FECH: variants seen among roughly 807,000 people sequenced by gnomAD.
FECH encodes ferrochelatase, mitochondrial.
In FECH, 40 loss-of-function variants were observed where a neutral mutation model predicts 56.9. The ratio of observed to expected loss-of-function variants is 0.70; its 90% CI spans 0.55 to 0.92. The LOEUF (loss-of-function observed/expected upper bound fraction) is 0.92, where lower values mean the gene tolerates loss of function less well. FECH is among the 40% of genes least tolerant of loss of function. The pLI is 0.00. For synonymous variants in FECH, 175 were observed against 198.6 expected (o/e 0.88, Z 1.00); for missense variants, 431 against 529.1 (o/e 0.81, Z 1.82).
intron 2 of FECH, among the ~76,000 whole-genome samples, chr18:57,576,297 G>T (rs1022355601): frequency 3.9e-5 from 6 of 152,206 alleles, no homozygotes; most frequent in African/African-American, 1.4e-4. Context: ...TGAAGATGTG[G>T]TTGTTATATA....
At chr18:57,567,808 G>C (rs2051037903) in intron 4 of FECH, 1 of 152,246 alleles carries the variant, frequency 6.6e-6, no homozygotes, top group Admixed American at 6.5e-5. Flanking sequence ...GAAGCAGAAT[G>C]CCATTAGGCG....
At chr18:57,584,082 A>G (rs535282024) in intron 1 of FECH, among the ~76,000 whole-genome samples, 6 of 151,782 alleles carry the variant, frequency 4.0e-5, no homozygotes, top group Non-Finnish European at 8.8e-5. Flanking sequence ...TGGGAGGCTG[A>G]GGCAGGATAA....
rs1345938368 is a variant in FECH at position 57,548,053 on chromosome 18, C to A, written c.*2659G>T. ...ATCCCTTGAGCCCAGGAGTTCAAGA[C>A]CAGCCTGGACAACATGGCAAAACCC... On this transcript the variant is annotated 3_prime_UTR_variant, in exon 11 of 11. Transcript: ENST00000262093. Among the ~76,000 whole-genome samples the A allele has an allele frequency of 6.6e-6, 1 of 151,778 alleles. No homozygotes were observed. The highest frequency in any genetic ancestry group is 1.5e-5 in the Non-Finnish European group (1 of 67,936).
chr18:57,578,673 C>T (rs530776652), intron 2 of FECH, among the ~76,000 whole-genome samples: 7 of 151,898 alleles, frequency 4.6e-5, no homozygotes, highest in Non-Finnish European at 1.0e-4. Context: ...GAGCTACACT[C>T]CTCAAAATAA....
chr18:57,573,303 T>G lies in FECH; in HGVS notation c.257A>C (p.His86Pro). 1 of 1,614,134 alleles carries G rather than the reference T, an allele frequency of 6.2e-7. No homozygotes were observed. Among genetic ancestry groups the G allele is most frequent in the Non-Finnish European group, 8.5e-7 (1 of 1,179,942 alleles). The change falls in exon 3 of 11, where the codon CAC becomes CCC. Residue 86 changes from histidine to proline, a missense_variant. His to Pro is a moderately conservative substitution (Grantham distance 77, BLOSUM62 -2). Coordinates refer to ENST00000262093, the MANE Select transcript of FECH (RefSeq NM_000140.5). The part of the protein sequence containing the change: ...MGGPETLGDV[H>P]DFLLRLFLDR... ...CAAGAAGAGTCTCAGAAGGAAGTCG[T>G]GAACATCTCCAAGAGTTTCAGGGCC... is the stretch of plus-strand genomic sequence containing the variant.
chr18:57,563,298 T>C (rs1409433836), intron 5 of FECH, among the ~76,000 whole-genome samples: 1 of 152,146 alleles, frequency 6.6e-6, no homozygotes. Context: ...TCAAAGTATG[T>C]CGGCCAGGCA....
At chr18:57,572,694 TC>T (rs1423398721) in intron 3 of FECH, among the ~76,000 whole-genome samples, 1 of 151,958 alleles carries the variant, frequency 6.6e-6, no homozygotes, top group African/African-American at 2.4e-5. Context: ...AACAGCGCTT[TC>T]CTCCAGGTGG....
chr18:57,571,899 A>G (rs565141714), intron 3 of FECH, among the ~76,000 whole-genome samples: 4 of 152,242 alleles, frequency 2.6e-5, no homozygotes, highest in Non-Finnish European at 5.9e-5. Flanking sequence ...CAAATGAAGT[A>G]GACATTTCTC....
chr18:57,564,815 T>C (rs1368463975), intron 5 of FECH, among the ~76,000 whole-genome samples: 1 of 152,224 alleles, frequency 6.6e-6, no homozygotes, highest in Non-Finnish European at 1.5e-5. Context: ...ACATTAGCTC[T>C]TTCAGGTTGT....
chr18:57,556,531 A>C (rs892342145), intron 7 of FECH, among the ~76,000 whole-genome samples: 2 of 152,122 alleles, frequency 1.3e-5, no homozygotes, highest in African/African-American at 4.8e-5. Flanking sequence ...GCATCACCGC[A>C]ACCTAATCAT....
At position 57,547,596 on chromosome 18, in the gene FECH, C is replaced by T. The variant is rs2050736220; in HGVS notation, c.*3116G>A. Among the ~76,000 whole-genome samples the T allele has an allele frequency of 6.6e-6, 1 of 152,138 alleles. No individual in the cohort carries two copies. Among genetic ancestry groups the T allele is most frequent in the East Asian group, 1.9e-4 (1 of 5,188 alleles). ...GAAAGCCGAACCGAGTCAATTAAAC[C>T]TCTTTCCTTTGTAAATGACCCAGTC... On this transcript the variant is annotated 3_prime_UTR_variant, in exon 11 of 11. Coordinates refer to ENST00000262093, the MANE Select transcript of FECH (RefSeq NM_000140.5).
intron 5 of FECH, among the ~76,000 whole-genome samples, chr18:57,563,707 G>T (rs887761545): frequency 6.6e-6 from 1 of 151,400 alleles, no homozygotes; most frequent in African/African-American, 2.4e-5. Context: ...ATCCCAGCAT[G>T]CTAATTACAG....
chr18:57,553,248 C>G (rs889102701), intron 9 of FECH, among the ~76,000 whole-genome samples: 2 of 148,062 alleles, frequency 1.4e-5, no homozygotes, highest in Non-Finnish European at 3.0e-5. Flanking sequence ...CCAATTACAA[C>G]TTGCCTGCAA....
At chr18:57,568,068 C>G (rs1377773825) in intron 4 of FECH, among the ~76,000 whole-genome samples, 1 of 152,186 alleles carries the variant, frequency 6.6e-6, no homozygotes, top group Non-Finnish European at 1.5e-5. Flanking sequence ...AAACCGCCAA[C>G]TATTACAATA....
Position 57,559,500 on chromosome 18 carries a change from C to T in FECH, c.706-257G>A, listed in dbSNP as rs577513105. Among the ~76,000 whole-genome samples the T allele has an allele frequency of 8.5e-5, 13 of 152,214 alleles. No homozygotes were observed. In the East Asian group the frequency reaches 2.3e-3, roughly 27 times the overall value. On this transcript the variant is annotated intron_variant, in intron 6 of 10. Coordinates refer to ENST00000262093, the MANE Select transcript of FECH (RefSeq NM_000140.5). Reference sequence around the variant, plus strand: ...GCTCGCTAATGGCTCACTGCAAATGCGCGCTGTGGATCTGCTTCCCCTCGG... The same window carrying T: ...GCTCGCTAATGGCTCACTGCAAATGTGCGCTGTGGATCTGCTTCCCCTCGG...
rs181958256 is a variant in FECH at position 57,573,852 on chromosome 18, C to T, written c.195-487G>A. Among the ~76,000 whole-genome samples, 37 of 152,270 alleles carry T rather than the reference C, an allele frequency of 2.4e-4. 1 individual carries two copies. Among genetic ancestry groups the T allele is most frequent in the African/African-American group, 8.7e-4 (36 of 41,550 alleles). ...GGGTAACATCTTCAGTCACTTAGCA[C>T]GTGCTGGCACATGGTAAGTTCTACT... On this transcript the variant is annotated intron_variant, in intron 2 of 10. Transcript: ENST00000262093.
chr18:57,554,774 A>C, intron 8 of FECH, 71 bp downstream of exon 8: 1 of 1,291,664 alleles, frequency 7.7e-7, no homozygotes, highest in Non-Finnish European at 1.1e-6. Flanking sequence ...GCCAAATCTA[A>C]CCATTTTATA....
At chr18:57,564,253 T>C (rs769902391) in intron 5 of FECH, among the ~76,000 whole-genome samples, 5 of 152,184 alleles carry the variant, frequency 3.3e-5, no homozygotes, top group African/African-American at 4.8e-5. Flanking sequence ...TTCCCTAGAA[T>C]AAGCTAAATG....
Position 57,547,776 on chromosome 18 carries a change from G to A in FECH, c.*2936C>T, listed in dbSNP as rs929124384. Reference sequence around the variant, plus strand: ...GCCTCCTAAGTAGCTGGAACTACAGGCATGTGACACTACACCCAGTTAATT... The same window carrying A: ...GCCTCCTAAGTAGCTGGAACTACAGACATGTGACACTACACCCAGTTAATT... On this transcript the variant is annotated 3_prime_UTR_variant, in exon 11 of 11. Coordinates refer to ENST00000262093, the MANE Select transcript of FECH (RefSeq NM_000140.5). Among the ~76,000 whole-genome samples, 3 of 152,080 alleles carry A rather than the reference G, an allele frequency of 2.0e-5. No homozygotes were observed. Among genetic ancestry groups the A allele is most frequent in the Non-Finnish European group, 2.9e-5 (2 of 68,022 alleles).
Sources: allele counts gnomAD v4.1 joint callset (sites outside exome capture counted in the v4.1 genomes callset), GRCh38; gene constraint gnomAD v4.1.1; transcripts MANE v1.5; gene names NCBI Gene and HGNC (gene_info 2026-07-23, HGNC 2026-07-21).